TGM1: variants seen among roughly 807,000 people sequenced by gnomAD.
The protein encoded by TGM1 is protein-glutamine gamma-glutamyltransferase K.
TGM1 carries 63 observed loss-of-function variants against 88.7 expected under a neutral mutation model. The ratio of observed to expected loss-of-function variants is 0.71; its 90% CI spans 0.58 to 0.88. The LOEUF is 0.88. Ranked by LOEUF, TGM1 falls within the 40% of genes least tolerant of loss-of-function variation. TGM1 has a pLI of 0.00. For synonymous variants in TGM1, 415 were observed against 431.1 expected (o/e 0.96, Z 0.46); for missense variants, 996 against 1,118.0 (o/e 0.89, Z 1.56).
chr14:24,258,337 C>G lies in TGM1; in HGVS notation c.1350G>C (p.Ser450=), dbSNP rs571310594. ...CCACCACCTGCCACCCATCAAAGCC[C>G]GAGGGCAGATCCGGCCTCTTCATCC... ...DCWMKRPDLP[S]GFDGWQVVDA... is the part of the protein sequence containing the mutation. The change falls in exon 9 of 15, where the codon TCG becomes TCC. Residue 450 remains serine (S), a synonymous_variant. Transcript: ENST00000206765. The G allele has an allele frequency of 4.3e-6, 7 of 1,614,074 alleles. No homozygotes were observed. The South Asian group carries it at 7.7e-5, about 18-fold the overall frequency.
At chr14:24,252,080 C>G (rs2040705514) in intron 14 of TGM1, among the ~76,000 whole-genome samples, 1 of 152,126 alleles carries the variant, frequency 6.6e-6, no homozygotes, top group Non-Finnish European at 1.5e-5. Flanking sequence ...GGTGGCACAC[C>G]TTATGCTATA....
chr14:24,259,587 AG>A lies in TGM1; in HGVS notation c.984+116del. The stretch of plus-strand genomic sequence containing the variant: ...ACCCCTTCCTGAAGTATCCTTTACG[AG>A]GGCAGGGACAGGGCTGGGGGTTCTT... On this transcript the variant is annotated intron_variant, in intron 6 of 14. Transcript: ENST00000206765. The surrounding 1 kb of genome is among the most constrained non-coding windows in gnomAD (Gnocchi z 5.7). 2.3e-6 allele frequency: 2 copies of A among 873,768 alleles called. No homozygotes were observed. The highest frequency in any genetic ancestry group is 4.0e-5 in the Admixed American group (2 of 50,192). 54.1% of individuals were successfully genotyped at this position (873,768 alleles called of 1,614,324 possible).
chr14:24,259,769 G>C lies in TGM1; in HGVS notation c.919C>G (p.Arg307Gly), dbSNP rs121918731. The C allele has an allele frequency of 2.4e-4, 380 of 1,612,976 alleles. No homozygotes were observed. Among genetic ancestry groups the C allele is most frequent in the Non-Finnish European group, 2.7e-4 (314 of 1,179,844 alleles). The change falls in exon 6 of 15, where the codon CGG (arginine) becomes GGG (glycine). Residue 307 changes from arginine to glycine, a missense_variant. Transcript: ENST00000206765. The surrounding 1 kb of genome is among the most constrained non-coding windows in gnomAD (Gnocchi z 5.7). ...VLDACLYILD[R>G]RGMPYGGRGD... ...CGGCCTCCATATGGCATCCCCCGCC[G>C]GTCCAGGATGTATAAGCAGGCATCC...
In TGM1 at chr14:24,259,807, T is replaced by G; in HGVS notation, c.881A>C (p.Asp294Ala). Residue 294 changes from aspartate (D) to alanine (A), a missense_variant, in exon 6 of 15, where the codon GAC becomes GCC. Transcript: ENST00000206765. This position sits in a 1 kb window ranked among gnomAD's most constrained non-coding sequence, Gnocchi z 5.7. ...GERTWNYGQFDHGVLDACLYI... is the reference protein window; with the variant it reads ...GERTWNYGQFAHGVLDACLYI... ...TAAGCAGGCATCCAGCACCCCGTGGTCAAACTGGAAGGAGGGATGGAGGGC... is the reference window on the plus strand; with the variant it reads ...TAAGCAGGCATCCAGCACCCCGTGGGCAAACTGGAAGGAGGGATGGAGGGC... 1 of 1,612,902 alleles carries G rather than the reference T, an allele frequency of 6.2e-7. No individual in the cohort carries two copies. The highest frequency in any genetic ancestry group is 8.5e-7 in the Non-Finnish European group (1 of 1,179,832).
intron 14 of TGM1, among the ~76,000 whole-genome samples, chr14:24,251,091 C>G (rs531395970): frequency 1.3e-5 from 2 of 152,252 alleles, no homozygotes; most frequent in African/African-American, 4.8e-5. Flanking sequence ...CTGTTCCTCA[C>G]TTTCTGGGTC....
At chr14:24,261,966 G>A in intron 2 of TGM1, 68 bp downstream of exon 2, 1 of 1,609,410 alleles carries the variant, frequency 6.2e-7, no homozygotes, top group Non-Finnish European at 8.5e-7. Flanking sequence ...CCCCAGAAAT[G>A]CCAGGCTGAG....
chr14:24,259,641 G>T lies in TGM1; in HGVS notation c.984+63C>A. 1 of 1,364,638 alleles carries T rather than the reference G, an allele frequency of 7.3e-7. No individual in the cohort carries two copies. The highest frequency in any genetic ancestry group is 1.0e-6 in the Non-Finnish European group (1 of 973,586). 84.5% of individuals were successfully genotyped at this position (1,364,638 alleles called of 1,614,324 possible). ...GGAATCCAGAAAGGGCAGGAGGAGG[G>T]TGGGGGTGTGGCGAGGCAGCAGGCA... On this transcript the variant is annotated intron_variant, in intron 6 of 14. Coordinates refer to ENST00000206765, the MANE Select transcript of TGM1 (RefSeq NM_000359.3). This position sits in a 1 kb window ranked among gnomAD's most constrained non-coding sequence, Gnocchi z 5.7.
At chr14:24,254,071 G>A (rs2040722677) in intron 14 of TGM1, 81 bp downstream of exon 14, 2 of 1,548,306 alleles carry the variant, frequency 1.3e-6, no homozygotes, top group Non-Finnish European at 1.8e-6. Context: ...TCCAGACAGA[G>A]AGGGAGCAAA....
At chr14:24,260,286 G>C in intron 4 of TGM1, 164 bp downstream of exon 4, 1 of 1,211,820 alleles carries the variant, frequency 8.3e-7, no homozygotes, top group Non-Finnish European at 1.2e-6. Context: ...GTGACCCTGG[G>C]CTGGCCACCT....
At chr14:24,256,688 A>ACCTGGC (rs1382848321) in intron 9 of TGM1, among the ~76,000 whole-genome samples, 1 of 152,194 alleles carries the variant, frequency 6.6e-6, no homozygotes. Flanking sequence ...GAGGCCTGGC[A>ACCTGGC]AGAGAGGACA....
At chr14:24,251,534 GC>G (rs2040700644) in intron 14 of TGM1, among the ~76,000 whole-genome samples, 1 of 152,186 alleles carries the variant, frequency 6.6e-6, no homozygotes, top group Non-Finnish European at 1.5e-5. Context: ...CTGAGTACAA[GC>G]CATCTGCTAA....
intron 14 of TGM1, among the ~76,000 whole-genome samples, chr14:24,251,174 G>A (rs1030881817): frequency 6.6e-6 from 1 of 152,172 alleles, no homozygotes; most frequent in African/African-American, 2.4e-5. Context: ...CTCTCTGAAG[G>A]AGGGAGGCAG....
Position 24,259,993 on chromosome 14 carries a change from T to C in TGM1, c.823A>G (p.Ile275Val), listed in dbSNP as rs1555306236. 2 of 1,614,146 alleles carry C rather than the reference T, an allele frequency of 1.2e-6. No individual in the cohort carries two copies. Residue 275 changes from isoleucine to valine, a missense_variant, in exon 5 of 15, where the codon ATT (isoleucine) becomes GTT (valine). Ile to Val is a conservative substitution (Grantham distance 29, BLOSUM62 3). Transcript: ENST00000206765. The surrounding 1 kb of genome is among the most constrained non-coding windows in gnomAD (Gnocchi z 5.7). ...ATCTGTGCTTCGGTCCCGTAGTAAA[T>C]TCTCCCAGACTCATTAAGAACATAC... is the stretch of plus-strand genomic sequence containing the variant. ...QEYVLNESGR[I>V]YYGTEAQIGE...
chr14:24,259,515 C>T lies in TGM1; in HGVS notation c.984+189G>A, dbSNP rs1374191274. On this transcript the variant is annotated intron_variant, in intron 6 of 14. Transcript: ENST00000206765. This position sits in a 1 kb window ranked among gnomAD's most constrained non-coding sequence, Gnocchi z 5.7. Reference sequence around the variant, plus strand: ...ATTCCACAGGAGCTGGGACAGGAGCCAGGAAAGGCGGGGTGGGGGGCAGGC... The same window carrying T: ...ATTCCACAGGAGCTGGGACAGGAGCTAGGAAAGGCGGGGTGGGGGGCAGGC... 6.6e-6 allele frequency among the ~76,000 whole-genome samples: 1 copy of T among 152,134 alleles called. No individual in the cohort carries two copies. Among genetic ancestry groups the T allele is most frequent in the Non-Finnish European group, 1.5e-5 (1 of 68,024 alleles).
At position 24,256,032 on chromosome 14, in the gene TGM1, C is replaced by A; in HGVS notation, c.1448G>T (p.Gly483Val). Residue 483 changes from glycine to valine, a missense_variant, in exon 10 of 15, where the codon GGC (glycine) becomes GTC (valine). Gly to Val is a moderately radical substitution (Grantham distance 109). Coordinates refer to ENST00000206765, the MANE Select transcript of TGM1 (RefSeq NM_000359.3). ...GPCSVESIKNGLVYMKYDTPF... is the reference protein window; with the variant it reads ...GPCSVESIKNVLVYMKYDTPF... Reference sequence around the variant, plus strand: ...CGTGTCGTACTTCATGTAGACCAGGCCATTCTTGATGGACTCCACAGAGCA... The same window carrying A: ...CGTGTCGTACTTCATGTAGACCAGGACATTCTTGATGGACTCCACAGAGCA... 6.4e-7 allele frequency: 1 copy of A among 1,571,434 alleles called. No homozygotes were observed. The highest frequency in any genetic ancestry group is 2.3e-5 in the East Asian group (1 of 42,850).
chr14:24,249,631 A>G (rs2040684176), intron 14 of TGM1, 90 bp from the exon 15 acceptor site: 1 of 1,157,864 alleles, frequency 8.6e-7, no homozygotes, highest in Non-Finnish European at 1.3e-6. Context: ...AGGAAGAAGC[A>G]GGAGGTGGAC....
chr14:24,250,815 T>C (rs1176683530), intron 14 of TGM1, among the ~76,000 whole-genome samples: 2 of 152,198 alleles, frequency 1.3e-5, no homozygotes, highest in East Asian at 3.8e-4. Flanking sequence ...CTGTGGGAAT[T>C]TGTCCTTCCT....
rs902231692 is a variant in TGM1, at chr14:24,259,130, C to G, written c.1104G>C (p.Thr368=). ...ACTGGCCATAGGGGACGGAATATCC[C>G]GTGCGTAGGTAGCTAAGCAGGATCT... ...SVEILLSYLR[T]GYSVPYGQCW... The change falls in exon 7 of 15, where the codon ACG becomes ACC. Residue 368 remains threonine, a synonymous_variant. Coordinates refer to ENST00000206765, the MANE Select transcript of TGM1 (RefSeq NM_000359.3). This position sits in a 1 kb window ranked among gnomAD's most constrained non-coding sequence, Gnocchi z 5.7. The G allele has an allele frequency of 6.2e-7, 1 of 1,614,044 alleles. No individual in the cohort carries two copies. The highest frequency in any genetic ancestry group is 1.3e-5 in the African/African-American group (1 of 74,916).
chr14:24,258,237 TG>T (rs2040773203), intron 9 of TGM1, 47 bp downstream of exon 9: 6 of 1,473,836 alleles, frequency 4.1e-6, no homozygotes, highest in Non-Finnish European at 5.7e-6. Context: ...GTTAATCAGG[TG>T]GGGGAGATAA....
Sources: gnomAD v4.1 joint callset for allele counts (sites outside exome capture counted in the v4.1 genomes callset) on GRCh38, gnomAD v4.1.1 for gene constraint, Gnocchi (gnomAD v3.1) non-coding constraint, MANE v1.5 for transcripts, NCBI Gene and HGNC (gene_info 2026-07-23, HGNC 2026-07-21) for gene names.